The following PDCD10 variants were observed in gnomAD, a reference collection of about 807,000 sequenced individuals.
PDCD10 encodes the protein programmed cell death protein 10.
A neutral mutation model predicts 29.2 loss-of-function variants in PDCD10; 4 were observed. The ratio of observed to expected loss-of-function variants is 0.14; its 90% CI spans 0.07 to 0.31. The LOEUF is 0.31. Ranked by LOEUF, PDCD10 falls within the 10% of genes least tolerant of loss-of-function variation. The pLI is 1.00. For missense variants in PDCD10, 183 were observed against 257.9 expected (o/e 0.71, Z 1.99); for synonymous variants, 70 against 82.2 (o/e 0.85, Z 0.80).
chr3:167,695,685 G>T lies in PDCD10; in HGVS notation c.306C>A (p.Asp102Glu). Residue 102 changes from aspartate (D) to glutamate (E), a missense_variant, in exon 6 of 9, where the codon GAC becomes GAA. Transcript: ENST00000392750. ...TAAGTGCTCGTGCCTTTTCGTTTAG[G>T]TCTTGGAATTCTGGCTCTGGTCGTT... ...MIERPEPEFQ[D>E]LNEKARALKQ... The T allele has an allele frequency of 6.2e-7, 1 of 1,613,408 alleles. No homozygotes were observed. Among genetic ancestry groups the T allele is most frequent in the Non-Finnish European group, 8.5e-7 (1 of 1,179,440 alleles).
intron 3 of PDCD10, among the ~76,000 whole-genome samples, chr3:167,709,936 CATTCCAGGCCCT>C (rs1306644793): frequency 6.6e-6 from 1 of 152,126 alleles, no homozygotes; most frequent in African/African-American, 2.4e-5. Context: ...ACTGAGACCC[CATTCCAGGCCCT>C]ATCTCCTGGA....
At chr3:167,714,815 T>C (rs1332053254) in intron 3 of PDCD10, among the ~76,000 whole-genome samples, 1 of 151,952 alleles carries the variant, frequency 6.6e-6, no homozygotes, top group African/African-American at 2.4e-5. Flanking sequence ...AGATATTCTA[T>C]GTTAATGGAT....
intron 6 of PDCD10, among the ~76,000 whole-genome samples, chr3:167,694,823 C>G (rs1460064356): frequency 2.6e-5 from 4 of 152,222 alleles, no homozygotes; most frequent in Non-Finnish European, 4.4e-5. Context: ...ATGTCACAGC[C>G]TCTTCCAGAA....
chr3:167,688,902 C>T (rs1719933061), intron 6 of PDCD10, among the ~76,000 whole-genome samples: 1 of 152,058 alleles, frequency 6.6e-6, no homozygotes, highest in Non-Finnish European at 1.5e-5. Flanking sequence ...TGTTTCCCAG[C>T]ATATTTTTCA....
intron 6 of PDCD10, among the ~76,000 whole-genome samples, chr3:167,689,342 C>A (rs1418147468): frequency 6.6e-6 from 1 of 152,100 alleles, no homozygotes; most frequent in Non-Finnish European, 1.5e-5. Flanking sequence ...GCAAGCTTCT[C>A]CAAATCCACA....
intron 3 of PDCD10, among the ~76,000 whole-genome samples, chr3:167,714,175 G>A (rs892124798): frequency 6.6e-6 from 1 of 151,968 alleles, no homozygotes; most frequent in African/African-American, 2.4e-5. Context: ...CAATACATTA[G>A]AAAGATCATT....
chr3:167,693,907 GATC>G (rs1720522310), intron 6 of PDCD10, among the ~76,000 whole-genome samples: 1 of 152,176 alleles, frequency 6.6e-6, no homozygotes. Flanking sequence ...AGTAAGTTAT[GATC>G]ATGCCACTGC....
intron 2 of PDCD10, among the ~76,000 whole-genome samples, chr3:167,727,589 C>T (rs1724332225): frequency 6.6e-6 from 1 of 152,092 alleles, no homozygotes; most frequent in Admixed American, 6.6e-5. Context: ...TATTCCTTGT[C>T]TTAGTTTCTC....
At chr3:167,712,774 T>C (rs1722645648) in intron 3 of PDCD10, among the ~76,000 whole-genome samples, 1 of 151,858 alleles carries the variant, frequency 6.6e-6, no homozygotes, top group African/African-American at 2.4e-5. Context: ...AGATATTCCA[T>C]GCAAATGGAA....
intron 3 of PDCD10, among the ~76,000 whole-genome samples, chr3:167,705,142 G>A (rs2108439207): frequency 6.6e-6 from 1 of 152,100 alleles, no homozygotes; most frequent in South Asian, 2.1e-4. Flanking sequence ...TATCAAACAT[G>A]TGAGGTTTAT....
intron 6 of PDCD10, among the ~76,000 whole-genome samples, chr3:167,689,435 A>T (rs1234616495): frequency 2.0e-5 from 3 of 152,180 alleles, no homozygotes; most frequent in African/African-American, 7.2e-5. Flanking sequence ...TTTGTAGTGT[A>T]TTTCAATATT....
intron 3 of PDCD10, 137 bp downstream of exon 3, chr3:167,719,925 C>T: frequency 1.4e-6 from 1 of 708,444 alleles, no homozygotes; most frequent in African/African-American, 1.8e-5. Flanking sequence ...TATTTTTTGC[C>T]CTGATACAAT....
intron 3 of PDCD10, among the ~76,000 whole-genome samples, chr3:167,712,087 T>C (rs945106074): frequency 1.3e-5 from 2 of 152,234 alleles, no homozygotes; most frequent in Admixed American, 6.5e-5. Context: ...TCACTGGTAA[T>C]AGTAAATACA....
Position 167,719,939 on chromosome 3 carries a change from T to C in PDCD10, c.96+123A>G, listed in dbSNP as rs1488158042. 6.5e-6 allele frequency: 5 copies of C among 765,196 alleles called. No homozygotes were observed. In the African/African-American group the frequency reaches 6.9e-5, roughly 11 times the overall value. 47.4% of individuals were successfully genotyped at this position (765,196 alleles called of 1,614,324 possible). On this transcript the variant is annotated intron_variant, in intron 3 of 8. Transcript: ENST00000392750. Reference sequence around the variant, plus strand: ...CTATTTTTTGCCCTGATACAATGCCTAACGCACCGATAAGAGTTCATTCAT... The same window carrying C: ...CTATTTTTTGCCCTGATACAATGCCCAACGCACCGATAAGAGTTCATTCAT...
At chr3:167,716,401 A>G (rs531229516) in intron 3 of PDCD10, among the ~76,000 whole-genome samples, 2 of 152,020 alleles carry the variant, frequency 1.3e-5, no homozygotes, top group African/African-American at 2.4e-5. Flanking sequence ...TAAAATAACT[A>G]AAAGAGTATA....
chr3:167,687,632 G>C lies in PDCD10; in HGVS notation c.457C>G (p.Gln153Glu). The stretch of plus-strand genomic sequence containing the variant: ...AAACGTACCCTGCGGTTCTGGTATT[G>C]ATATTTCTTGAAGACATTATTCACT... ...DTVNNVFKKY[Q>E]YQNRRALEHQ... The change falls in exon 7 of 9, where the codon CAA (glutamine) becomes GAA (glutamate). Residue 153 changes from glutamine (Q) to glutamate (E), a missense_variant. Coordinates refer to ENST00000392750, the MANE Select transcript of PDCD10 (RefSeq NM_007217.4). The C allele has an allele frequency of 3.1e-6, 5 of 1,592,584 alleles. No homozygotes were observed. The highest frequency in any genetic ancestry group is 4.3e-6 in the Non-Finnish European group (5 of 1,160,676).
At chr3:167,693,505 C>A (rs1720479245) in intron 6 of PDCD10, among the ~76,000 whole-genome samples, 1 of 152,180 alleles carries the variant, frequency 6.6e-6, no homozygotes, top group African/African-American at 2.4e-5. Context: ...TAATCTTTCA[C>A]AGCACATTAA....
At chr3:167,716,740 C>T (rs1328865220) in intron 3 of PDCD10, among the ~76,000 whole-genome samples, 1 of 151,638 alleles carries the variant, frequency 6.6e-6, no homozygotes, top group Non-Finnish European at 1.5e-5. Flanking sequence ...ATATTAATTA[C>T]TTACACAGAA....
At chr3:167,715,620 C>T (rs1007092100) in intron 3 of PDCD10, among the ~76,000 whole-genome samples, 4 of 151,946 alleles carry the variant, frequency 2.6e-5, no homozygotes, top group African/African-American at 9.7e-5. Context: ...AGACATTCCT[C>T]AAAAGAAGAC....
Sources: gnomAD v4.1 joint callset for allele counts (sites outside exome capture counted in the v4.1 genomes callset) on GRCh38, gnomAD v4.1.1 for gene constraint, MANE v1.5 for transcripts, NCBI Gene and HGNC (gene_info 2026-07-23, HGNC 2026-07-21) for gene names.